The following GBP2 variants were observed in gnomAD, a reference collection of about 807,000 sequenced individuals.
The protein encoded by GBP2 is guanylate-binding protein 2.
A neutral mutation model predicts 60.8 loss-of-function variants in GBP2; 54 were observed. The ratio of observed to expected loss-of-function variants is 0.89; its 90% CI spans 0.71 to 1.11. The LOEUF is 1.11. Among genes scored for constraint, GBP2 ranks in the 50% most tolerant of loss-of-function variants. GBP2 has a pLI of 0.00. For synonymous variants in GBP2, 243 were observed against 256.5 expected (o/e 0.95, Z 0.50); for missense variants, 665 against 703.3 (o/e 0.95, Z 0.62).
Position 89,121,892 on chromosome 1 carries a change from T to C in GBP2, c.75A>G (p.Pro25=), listed in dbSNP as rs149938333. ...TTGCAGATAGGATCTTCAGAGCTTC[T>C]GGATTCACCACCAGCTGCCCTTTAG... is the stretch of plus-strand genomic sequence containing the variant. ...DNTKGQLVVN[P]EALKILSAIT... is the part of the protein sequence containing the mutation. Residue 25 remains proline (P), a synonymous_variant, in exon 2 of 11, where the codon CCA becomes CCG. Coordinates refer to ENST00000370466, the MANE Select transcript of GBP2 (RefSeq NM_004120.5). 1.6e-4 allele frequency: 255 copies of C among 1,614,120 alleles called. 17 individuals carry two copies. The highest frequency in any genetic ancestry group is 5.8e-4 in the East Asian group (26 of 44,882).
In GBP2 at chr1:89,120,219, T is replaced by C. The variant is rs1557442279; in HGVS notation, c.388A>G (p.Ser130Gly). The C allele has an allele frequency of 6.2e-7, 1 of 1,614,056 alleles. No homozygotes were observed. Among genetic ancestry groups the C allele is most frequent in the East Asian group, 2.2e-5 (1 of 44,886 alleles). ...GCCTGCTGGTTGATGGTTCCCATGC[T>C]ATTGTACACGAAGGTGCTGCTCAGG... Reference protein sequence around the residue: ...ILLSSTFVYNSMGTINQQAMD... With the variant: ...ILLSSTFVYNGMGTINQQAMD... Residue 130 changes from serine to glycine, a missense_variant, in exon 4 of 11, where the codon AGC (serine) becomes GGC (glycine). Physicochemically the swap from Ser to Gly is moderately conservative, Grantham distance 56. Transcript: ENST00000370466.
chr1:89,121,691 A>C (rs1052385755), intron 2 of GBP2, 86 bp downstream of exon 2: 16 of 1,397,678 alleles, frequency 1.1e-5, no homozygotes, highest in Non-Finnish European at 1.4e-5. Flanking sequence ...ATTCATTCTC[A>C]TCTCTTTCTA....
At chr1:89,111,557 A>T (rs1681165537) in intron 8 of GBP2, among the ~76,000 whole-genome samples, 1 of 138,448 alleles carries the variant, frequency 7.2e-6, no homozygotes, top group Admixed American at 7.9e-5. Context: ...TATTTGTGGG[A>T]TTTGAAAATC....
At position 89,117,722 on chromosome 1, in the gene GBP2, G is replaced by A. The variant is rs1284795169; in HGVS notation, c.480C>T (p.Asn160=). The A allele has an allele frequency of 6.2e-7, 1 of 1,614,036 alleles. No homozygotes were observed. The highest frequency in any genetic ancestry group is 8.5e-7 in the Non-Finnish European group (1 of 1,179,958). ...AGTCAGCTGAGTCGTCTACAGAATTGTTACCAGGTGAGGAGTTTGCCTTGA... is the reference window on the plus strand; with the variant it reads ...AGTCAGCTGAGTCGTCTACAGAATTATTACCAGGTGAGGAGTTTGCCTTGA... The part of the protein sequence containing the change: ...DRIKANSSPG[N]NSVDDSADFV... Residue 160 remains asparagine, a synonymous_variant, in exon 5 of 11, where the codon AAC becomes AAT. Transcript: ENST00000370466.
chr1:89,125,524 A>C (rs984578207), intron 1 of GBP2, among the ~76,000 whole-genome samples: 1 of 152,214 alleles, frequency 6.6e-6, no homozygotes, highest in Non-Finnish European at 1.5e-5. Flanking sequence ...GCAGATCCCA[A>C]GTTGCCTACC....
chr1:89,117,918 C>G, intron 4 of GBP2, 145 bp from the exon 5 acceptor site: 2 of 702,738 alleles, frequency 2.8e-6, no homozygotes, highest in Non-Finnish European at 2.3e-6. Flanking sequence ...CATTCACTCA[C>G]AAACATTTAT....
In GBP2 at chr1:89,112,531, TAA is replaced by T; in HGVS notation, c.1301_1302del (p.Phe434TyrfsTer10). The T allele has an allele frequency of 1.9e-6, 3 of 1,614,170 alleles. No homozygotes were observed. Among genetic ancestry groups the T allele is most frequent in the Non-Finnish European group, 1.7e-6 (2 of 1,180,016 alleles). On this transcript the variant is annotated frameshift_variant, in exon 8 of 11. Transcript: ENST00000370466. LOFTEE classifies it high-confidence loss of function. ...TFSKPGGYRL[F>X]TQKLQELKNK... The stretch of plus-strand genomic sequence containing the variant: ...TTCTTCAGCTCCTGCAGCTTCTGAG[TAA>T]AGAGACGGTAACCTCCTGGTTTAGA...
At position 89,108,204 on chromosome 1, in the gene GBP2, A is replaced by G; in HGVS notation, c.1747T>C (p.Ser583Pro). 6.2e-7 allele frequency: 1 copy of G among 1,612,404 alleles called. No homozygotes were observed. Residue 583 changes from serine to proline, a missense_variant, in exon 11 of 11, where the codon TCA becomes CCA. By Grantham distance (74) the Ser-to-Pro change is moderately conservative (BLOSUM62 -1). Coordinates refer to ENST00000370466, the MANE Select transcript of GBP2 (RefSeq NM_004120.5). ...DIWDIQMRSK[S>P]LEPICNIL ...AGTATGTTACATATTGGCTCCAATG[A>G]TTTGCTTCTCATCTGGATATCCCAT...
rs2100612864 is a variant in GBP2, at chr1:89,112,496, G to T, written c.1338C>A (p.Tyr446Ter). Residue 446 changes from tyrosine (Y) to a stop codon, truncating the protein, a stop_gained, in exon 8 of 11, where the codon TAC becomes TAA. Transcript: ENST00000370466. LOFTEE classifies it high-confidence loss of function. ...QKLQELKNKY[Y>*]QVPRKGIQAK... is the part of the protein sequence containing the mutation. ...CCTGTATCCCCTTCCTTGGCACCTG[G>T]TAGTACTTATTCTTCAGCTCCTGCA... is the stretch of plus-strand genomic sequence containing the variant. The T allele has an allele frequency of 6.2e-7, 1 of 1,614,096 alleles. No homozygotes were observed. Among genetic ancestry groups the T allele is most frequent in the East Asian group, 2.2e-5 (1 of 44,882 alleles).
intron 10 of GBP2, among the ~76,000 whole-genome samples, chr1:89,109,173 G>A (rs1050334943): frequency 6.6e-6 from 1 of 152,072 alleles, no homozygotes; most frequent in Non-Finnish European, 1.5e-5. Flanking sequence ...AGGATTACAG[G>A]TGTGAGCCAC....
In GBP2 at chr1:89,117,700, C is replaced by T. The variant is rs1173653536; in HGVS notation, c.502G>A (p.Asp168Asn). 5 of 1,614,092 alleles carry T rather than the reference C, an allele frequency of 3.1e-6. No individual in the cohort carries two copies. The highest frequency in any genetic ancestry group is 4.2e-6 in the Non-Finnish European group (5 of 1,179,984). Residue 168 changes from aspartate (D) to asparagine (N), a missense_variant, in exon 5 of 11, where the codon GAC becomes AAC. Physicochemically the swap from Asp to Asn is conservative, Grantham distance 23. Transcript: ENST00000370466. ...AATGCTGGAAAAAAGCTCACAAAGT[C>T]AGCTGAGTCGTCTACAGAATTGTTA... ...PGNNSVDDSA[D>N]FVSFFPAFVW...
intron 1 of GBP2, among the ~76,000 whole-genome samples, chr1:89,124,435 C>A (rs576296308): frequency 1.3e-5 from 2 of 152,100 alleles, no homozygotes; most frequent in Non-Finnish European, 2.9e-5. Context: ...ACAAAATTTT[C>A]TTTGGAAACT....
At chr1:89,119,343 G>A (rs1274623846) in intron 4 of GBP2, 1 of 152,164 alleles carries the variant, frequency 6.6e-6, no homozygotes, top group Non-Finnish European at 1.5e-5. Flanking sequence ...ATAGGAATAT[G>A]GGGGTGATCT....
In GBP2 at chr1:89,106,830, G is replaced by A. The variant is rs1431037151; in HGVS notation, c.*1345C>T. The A allele has an allele frequency of 1.3e-5, 2 of 152,182 alleles. No individual in the cohort carries two copies. Among genetic ancestry groups the A allele is most frequent in the African/African-American group, 4.8e-5 (2 of 41,428 alleles). 9.4% of individuals were successfully genotyped at this position (152,182 alleles called of 1,614,324 possible). A position where few individuals can be genotyped will look rare whatever the true frequency, so the allele number is the denominator to read the frequency against. On this transcript the variant is annotated 3_prime_UTR_variant, in exon 11 of 11. Coordinates refer to ENST00000370466, the MANE Select transcript of GBP2 (RefSeq NM_004120.5). ...GCAGCTCAAAGATGCAACTTTTCAT[G>A]GGGTAGGGGAGTATTTGTTTACTGA... is the stretch of plus-strand genomic sequence containing the variant.
chr1:89,121,382 G>A, intron 2 of GBP2, 112 bp from the exon 3 acceptor site: 6 of 919,656 alleles, frequency 6.5e-6, no homozygotes, highest in Middle Eastern at 2.8e-4. Flanking sequence ...AATACAACTG[G>A]CATAAATCTT....
intron 5 of GBP2, 130 bp from the exon 6 acceptor site, chr1:89,117,364 A>AG: frequency 5.2e-6 from 5 of 952,862 alleles, no homozygotes; most frequent in Non-Finnish European, 7.7e-6. Flanking sequence ...AAAAAATTAA[A>AG]GGGGTAGAGA....
intron 7 of GBP2, among the ~76,000 whole-genome samples, chr1:89,113,305 T>C (rs1681201088): frequency 6.6e-6 from 1 of 152,204 alleles, no homozygotes; most frequent in Non-Finnish European, 1.5e-5. Flanking sequence ...GTATTTTCAG[T>C]ATTTGGAAAG....
rs530748629 is a variant in GBP2, at chr1:89,119,459, TA to T, written c.428+719del. The stretch of plus-strand genomic sequence containing the variant: ...AATGTGTGAGAGTGGAGAATGACAA[TA>T]AGGGTGGAGAGTTCCAATAAGGTGA... On this transcript the variant is annotated intron_variant, in intron 4 of 10. Transcript: ENST00000370466. 170 of 152,172 alleles carry T rather than the reference TA, an allele frequency of 1.1e-3. 1 individual carries two copies. The highest frequency in any genetic ancestry group is 3.9e-3 in the African/African-American group (163 of 41,532). The allele number at this position is 152,172 out of a possible 1,614,324, so 9.4% of individuals were successfully genotyped here.
intron 4 of GBP2, chr1:89,118,833 G>A (rs1018642200): frequency 3.9e-5 from 6 of 152,162 alleles, no homozygotes; most frequent in Non-Finnish European, 7.4e-5. Context: ...TGAATGATGT[G>A]GGAATTTATT....
Sources: allele counts gnomAD v4.1 joint callset (sites outside exome capture counted in the v4.1 genomes callset), GRCh38; gene constraint gnomAD v4.1.1; transcripts MANE v1.5; gene names NCBI Gene and HGNC (gene_info 2026-07-23, HGNC 2026-07-21).